Variants in PCDHA1 observed in about 807,000 individuals in gnomAD.
PCDHA1 encodes the protein protocadherin alpha-1.
In PCDHA1, 42 loss-of-function variants were observed where a neutral mutation model predicts 61.3. The observed-to-expected ratio is 0.69, with a 90% CI of 0.54 to 0.89. The LOEUF is 0.89. Among genes scored for constraint, PCDHA1 ranks in the 40% least tolerant of loss-of-function variants. PCDHA1 has a pLI of 0.00. For missense variants in PCDHA1, 1,256 were observed against 1,235.3 expected, an observed-to-expected ratio of 1.02 and a Z score of -0.25; for synonymous variants, 610 against 553.8, an observed-to-expected ratio of 1.10 and a Z score of -1.43.
chr5:140,795,055 C>T, intron 1 of PCDHA1: 1 of 1,613,888 alleles, frequency 6.2e-7, no homozygotes, highest in Non-Finnish European at 8.5e-7. Context: ...GAGCGGCCAG[C>T]TCCGCTACTC....
intron 1 of PCDHA1, chr5:140,830,448 C>A: frequency 1.2e-6 from 2 of 1,600,594 alleles, no homozygotes; most frequent in Non-Finnish European, 1.7e-6. Flanking sequence ...ATGGGTAAGG[C>A]GGAGAATCAG....
chr5:140,808,640 CA>C, intron 1 of PCDHA1: 3 of 1,613,456 alleles, frequency 1.9e-6, no homozygotes, highest in Non-Finnish European at 2.5e-6. Context: ...CGCGGACGCG[CA>C]GGAGAACGCG....
chr5:140,970,059 G>C (rs2096380498), intron 1 of PCDHA1, among the ~76,000 whole-genome samples: 1 of 152,150 alleles, frequency 6.6e-6, no homozygotes. Context: ...GTCCAGGGAG[G>C]TATTAGAATG....
chr5:140,830,344 G>A, intron 1 of PCDHA1: 2 of 1,614,112 alleles, frequency 1.2e-6, no homozygotes, highest in Non-Finnish European at 1.7e-6. Flanking sequence ...GGTCGTACTC[G>A]CAGCAGAGGC....
chr5:140,797,259 C>A, intron 1 of PCDHA1: 1 of 1,614,202 alleles, frequency 6.2e-7, no homozygotes, highest in South Asian at 1.1e-5. Flanking sequence ...AGGACCCCCC[C>A]AAGACGGACC....
chr5:140,991,844 C>T (rs892318388), intron 3 of PCDHA1, among the ~76,000 whole-genome samples: 2 of 152,334 alleles, frequency 1.3e-5, no homozygotes, highest in Middle Eastern at 6.8e-3. Flanking sequence ...AACCGCACTT[C>T]CAGATACCAA....
chr5:140,828,812 A>G (rs2150159270), intron 1 of PCDHA1: 2 of 1,614,228 alleles, frequency 1.2e-6, no homozygotes, highest in Non-Finnish European at 1.7e-6. Context: ...TAATGCTCCC[A>G]CTTTCGAACA....
At chr5:140,836,665 G>A in intron 1 of PCDHA1, 2 of 1,613,382 alleles carry the variant, frequency 1.2e-6, no homozygotes, top group South Asian at 2.2e-5. Context: ...GTGTGCTCTG[G>A]GGAGGGCCCA....
chr5:140,801,987 G>A, intron 1 of PCDHA1: 2 of 1,614,224 alleles, frequency 1.2e-6, no homozygotes, highest in Non-Finnish European at 1.7e-6. Context: ...AGTGGTGACC[G>A]TTAACGCCAC....
At chr5:140,824,388 G>A in intron 1 of PCDHA1, 1 of 557,068 alleles carries the variant, frequency 1.8e-6, no homozygotes. Context: ...CTCTAAAAAT[G>A]TAGGATAATA....
intron 1 of PCDHA1, chr5:140,815,136 A>G (rs2126661786): frequency 6.6e-5 from 10 of 152,148 alleles, no homozygotes; most frequent in Admixed American, 2.6e-4. Context: ...AAAAAAATCA[A>G]TTCAACCACT....
At chr5:140,981,186 T>G (rs1307228709) in intron 2 of PCDHA1, among the ~76,000 whole-genome samples, 1 of 152,234 alleles carries the variant, frequency 6.6e-6, no homozygotes, top group Non-Finnish European at 1.5e-5. Flanking sequence ...AGTTCAAGTT[T>G]GCCTGCTCTG....
intron 1 of PCDHA1, among the ~76,000 whole-genome samples, chr5:140,818,704 G>A (rs2150102115): frequency 9.9e-5 from 15 of 152,278 alleles, no homozygotes; most frequent in African/African-American, 2.6e-4. Flanking sequence ...TAGATGTGGT[G>A]GTGCACACCT....
intron 1 of PCDHA1, among the ~76,000 whole-genome samples, chr5:140,922,947 C>A (rs533564361): frequency 6.6e-6 from 1 of 152,178 alleles, no homozygotes; most frequent in South Asian, 2.1e-4. Context: ...AATGGAAATC[C>A]AGTTTGTCTT....
intron 3 of PCDHA1, among the ~76,000 whole-genome samples, chr5:140,999,135 C>T (rs2097848218): frequency 6.6e-6 from 1 of 152,180 alleles, no homozygotes; most frequent in Non-Finnish European, 1.5e-5. Context: ...GAAAATGTCA[C>T]AGCCGGAAGT....
chr5:140,824,115 C>T, intron 1 of PCDHA1: 1 of 1,613,932 alleles, frequency 6.2e-7, no homozygotes, highest in South Asian at 1.1e-5. Flanking sequence ...AGGGTCCCAC[C>T]TCTACAGACA....
chr5:140,915,410 A>G (rs2077112688), intron 1 of PCDHA1, among the ~76,000 whole-genome samples: 1 of 152,172 alleles, frequency 6.6e-6, no homozygotes, highest in Non-Finnish European at 1.5e-5. Flanking sequence ...TAGTCTTTGC[A>G]GTCTGGGCTT....
chr5:140,891,602 T>G (rs1002471186), intron 1 of PCDHA1, among the ~76,000 whole-genome samples: 16 of 152,184 alleles, frequency 1.1e-4, no homozygotes, highest in Non-Finnish European at 1.8e-4. Context: ...TCCCATCTAT[T>G]TCTACCTTTT....
intron 1 of PCDHA1, among the ~76,000 whole-genome samples, chr5:140,839,137 C>T (rs1175514541): frequency 6.8e-6 from 1 of 146,496 alleles, no homozygotes; most frequent in Non-Finnish European, 1.5e-5. Context: ...TTCACATAAG[C>T]AGACCAAGTT....
Sources: gnomAD v4.1 joint callset for allele counts (sites outside exome capture counted in the v4.1 genomes callset) on GRCh38, gnomAD v4.1.1 for gene constraint, MANE v1.5 for transcripts, NCBI Gene and HGNC (gene_info 2026-07-23, HGNC 2026-07-21) for gene names.